ANLN: variants seen among roughly 807,000 people sequenced by gnomAD.
ANLN encodes anillin, actin binding protein, also known as anillin.
In ANLN, 59 loss-of-function variants were observed where a neutral mutation model predicts 135.1. The observed-to-expected ratio is 0.44, with a 90% confidence interval of 0.35 to 0.54. The LOEUF is 0.54. Ranked by LOEUF, ANLN falls within the 20% of genes least tolerant of loss-of-function variation. ANLN has a pLI of 0.00. For missense variants in ANLN, 1,182 were observed against 1,340.0 expected (o/e 0.88, Z 1.84); for synonymous variants, 406 against 456.4 (o/e 0.89, Z 1.41).
intron 20 of ANLN, among the ~76,000 whole-genome samples, chr7:36,435,901 A>G (rs1052521590): frequency 7.0e-6 from 1 of 142,944 alleles, no homozygotes; most frequent in East Asian, 2.2e-4. Flanking sequence ...AAAAAAAAAA[A>G]AGATTTATCC....
Position 36,423,802 on chromosome 7 carries a change from G to A in ANLN, c.2477-15G>A. 2 of 1,603,702 alleles carry A rather than the reference G, an allele frequency of 1.2e-6. No individual in the cohort carries two copies. Among genetic ancestry groups the A allele is most frequent in the Non-Finnish European group, 1.7e-6 (2 of 1,175,978 alleles). ...TTTGCTTGTGCTTACTATGTAATAT[G>A]ATTACTTCTTACAGATGCAGCAAAT... is the stretch of plus-strand genomic sequence containing the variant. On this transcript the variant is annotated splice_polypyrimidine_tract_variant and intron_variant, in intron 14 of 23. Transcript: ENST00000265748.
At chr7:36,391,941 C>A (rs1364792690) in intron 1 of ANLN, among the ~76,000 whole-genome samples, 1 of 132,078 alleles carries the variant, frequency 7.6e-6, no homozygotes, top group African/African-American at 3.1e-5. Context: ...ACTGTTCTGG[C>A]ACTCTTTTTT....
intron 20 of ANLN, among the ~76,000 whole-genome samples, chr7:36,428,972 T>A (rs1303528828): frequency 6.6e-6 from 1 of 151,620 alleles, no homozygotes; most frequent in African/African-American, 2.4e-5. Context: ...AGAGGCAGGG[T>A]TTCACCATAT....
At chr7:36,394,212 A>G (rs1314226668) in intron 1 of ANLN, among the ~76,000 whole-genome samples, 1 of 152,240 alleles carries the variant, frequency 6.6e-6, no homozygotes, top group Non-Finnish European at 1.5e-5. Flanking sequence ...TTATTGCTAC[A>G]AAGAGTCTTC....
intron 23 of ANLN, 74 bp downstream of exon 23, chr7:36,449,911 A>C: frequency 7.0e-7 from 1 of 1,425,324 alleles, no homozygotes. Context: ...ACTATGAGAA[A>C]TATCACAGAT....
Position 36,419,418 on chromosome 7 carries a change from A to C in ANLN, c.1808A>C (p.Asn603Thr). The C allele has an allele frequency of 6.2e-7, 1 of 1,614,178 alleles. No homozygotes were observed. The highest frequency in any genetic ancestry group is 8.5e-7 in the Non-Finnish European group (1 of 1,180,032). The change falls in exon 10 of 24, where the codon AAT (asparagine) becomes ACT (threonine). Residue 603 changes from asparagine (N) to threonine (T), a missense_variant. Around this residue, in one of 3 missense-constraint regions of ANLN, gnomAD observed 1,022 missense variants for 1,134.0 expected, o/e 0.90. Transcript: ENST00000265748. ...ESSEEQEDAL[N>T]ISSMSLLAPL... is the part of the protein sequence containing the mutation. ...AGCGAAGAACAGGAAGATGCACTGA[A>C]TATCTCCTCAATGTCTTTACTTGCA... is the stretch of plus-strand genomic sequence containing the variant.
chr7:36,445,889 A>T (rs757750663), intron 22 of ANLN, among the ~76,000 whole-genome samples: 10 of 152,234 alleles, frequency 6.6e-5, no homozygotes, highest in Non-Finnish European at 1.3e-4. Flanking sequence ...ATCATATGTC[A>T]GCCTTTTAAA....
chr7:36,424,446 T>A (rs185529812), intron 15 of ANLN, 99 bp from the exon 16 acceptor site: 10 of 940,040 alleles, frequency 1.1e-5, no homozygotes, highest in Admixed American at 5.4e-5. Flanking sequence ...CATAGTGGAT[T>A]CCTTTACTTA....
rs1344655932 is a variant in ANLN at position 36,442,891 on chromosome 7, A to G, written c.2971-864A>G. Among the ~76,000 whole-genome samples, 10 of 151,652 alleles carry G rather than the reference A, an allele frequency of 6.6e-5. No individual in the cohort carries two copies. In the South Asian group the frequency reaches 2.1e-3, roughly 31 times the overall value. On this transcript the variant is annotated intron_variant, in intron 21 of 23. Transcript: ENST00000265748. ...GTGATCCGCCCGCCTCGGCCTCCCA[A>G]AGTGCTGGGATTACAGGTGTGAGCC...
At chr7:36,431,129 A>G (rs2116720968) in intron 20 of ANLN, among the ~76,000 whole-genome samples, 2 of 152,294 alleles carry the variant, frequency 1.3e-5, no homozygotes, top group South Asian at 4.1e-4. Context: ...GTTAAATACC[A>G]TTGAGAGGAA....
intron 1 of ANLN, among the ~76,000 whole-genome samples, chr7:36,395,760 T>C (rs938124704): frequency 5.9e-5 from 9 of 152,000 alleles, no homozygotes; most frequent in African/African-American, 2.2e-4. Context: ...TGGAGCTGGA[T>C]GGTCTAAGGT....
chr7:36,452,541 C>G lies in ANLN; in HGVS notation c.3316C>G (p.Leu1106Val). The change falls in exon 24 of 24, where the codon CTT (leucine) becomes GTT (valine). Residue 1106 changes from leucine to valine, a missense_variant. By Grantham distance (32) the Leu-to-Val change is conservative. Transcript: ENST00000265748. ...CTGGATGCAAAAACTCAATCAAGTT[C>G]TTGTTGATATTCGCCTCTGGCAACC... ...DLWMQKLNQVLVDIRLWQPDA... is the reference protein window; with the variant it reads ...DLWMQKLNQVVVDIRLWQPDA... The G allele has an allele frequency of 1.9e-6, 3 of 1,614,012 alleles. No individual in the cohort carries two copies. Among genetic ancestry groups the G allele is most frequent in the Non-Finnish European group, 2.5e-6 (3 of 1,179,930 alleles).
At chr7:36,416,220 C>G (rs1303196125) in intron 8 of ANLN, among the ~76,000 whole-genome samples, 1 of 152,094 alleles carries the variant, frequency 6.6e-6, no homozygotes, top group East Asian at 1.9e-4. Flanking sequence ...GGGGTTTCAC[C>G]ATGTTGGCCA....
At chr7:36,439,121 CTG>C in intron 20 of ANLN, 81 bp from the exon 21 acceptor site, 1 of 827,144 alleles carries the variant, frequency 1.2e-6, no homozygotes. Flanking sequence ...GTAATAGTCT[CTG>C]TTCATGATTT....
chr7:36,450,723 G>C (rs2116840071), intron 23 of ANLN, among the ~76,000 whole-genome samples: 1 of 152,208 alleles, frequency 6.6e-6, no homozygotes, highest in Middle Eastern at 3.4e-3. Context: ...AATCAGACAG[G>C]GCAGGACAGG....
At chr7:36,397,313 C>T (rs987312034) in intron 2 of ANLN, among the ~76,000 whole-genome samples, 16 of 152,116 alleles carry the variant, frequency 1.1e-4, no homozygotes, top group African/African-American at 3.9e-4. Context: ...AAAATAGGGG[C>T]CTGACCCTAG....
chr7:36,401,048 CAG>C (rs1286813869), intron 3 of ANLN, among the ~76,000 whole-genome samples: 1 of 152,094 alleles, frequency 6.6e-6, no homozygotes, highest in Non-Finnish European at 1.5e-5. Context: ...AATTAGGCAG[CAG>C]AGAGTTTAAG....
intron 1 of ANLN, among the ~76,000 whole-genome samples, chr7:36,391,596 TGCTTAATTATA>T (rs1786465620): frequency 6.6e-6 from 1 of 152,186 alleles, no homozygotes; most frequent in East Asian, 1.9e-4. Context: ...AACTCTTGGG[TGCTTAATTATA>T]GCATTCATAA....
chr7:36,449,708 A>G lies in ANLN; in HGVS notation c.3122A>G (p.Gln1041Arg), dbSNP rs1562827357. The G allele has an allele frequency of 1.9e-6, 3 of 1,614,054 alleles. No individual in the cohort carries two copies. Among genetic ancestry groups the G allele is most frequent in the Non-Finnish European group, 1.7e-6 (2 of 1,179,944 alleles). The change falls in exon 23 of 24, where the codon CAG becomes CGG. Residue 1041 changes from glutamine (Q) to arginine (R), a missense_variant. By Grantham distance (43) the Gln-to-Arg change is conservative. Coordinates refer to ENST00000265748, the MANE Select transcript of ANLN (RefSeq NM_018685.5). ...AATCTGGCTAATTGTACCAGTCGTC[A>G]GATAGAACCAGCCAACAGAGAATTT... The part of the protein sequence containing the change: ...RINLANCTSR[Q>R]IEPANREFCA...
Sources: allele counts gnomAD v4.1 joint callset (sites outside exome capture counted in the v4.1 genomes callset), GRCh38; gene constraint gnomAD v4.1.1; regional missense constraint gnomAD v4.1.1; transcripts MANE v1.5; gene names NCBI Gene and HGNC (gene_info 2026-07-23, HGNC 2026-07-21).